Variants in RNF130 observed in about 807,000 individuals in gnomAD.
RNF130 encodes ring finger protein 130.
In RNF130, 21 loss-of-function variants were observed where a neutral mutation model predicts 44.6. That is an observed-to-expected ratio of 0.47 (90% CI 0.33 to 0.68). RNF130 has a LOEUF of 0.68. Ranked by LOEUF, RNF130 falls within the 30% of genes least tolerant of loss-of-function variation. The pLI, the probability that RNF130 is intolerant of heterozygous loss-of-function variation, is 0.02. For missense variants in RNF130, 479 were observed against 560.6 expected, an observed-to-expected ratio of 0.85 and a Z score of 1.47; for synonymous variants, 214 against 210.4, an observed-to-expected ratio of 1.02 and a Z score of -0.15.
intron 5 of RNF130, among the ~76,000 whole-genome samples, chr5:179,973,728 G>A (rs1762641144): frequency 6.6e-6 from 1 of 152,262 alleles, no homozygotes; most frequent in South Asian, 2.1e-4. Context: ...GGCAAGTAGG[G>A]CCTTGAAAAG....
At chr5:180,007,126 T>C (rs139895667) in intron 3 of RNF130, among the ~76,000 whole-genome samples, 2 of 152,214 alleles carry the variant, frequency 1.3e-5, no homozygotes, top group Non-Finnish European at 2.9e-5. Context: ...GGGGGCCAGG[T>C]GTGGAGGTTC....
intron 6 of RNF130, 99 bp from the exon 7 acceptor site, chr5:179,967,109 C>A: frequency 9.4e-7 from 1 of 1,060,580 alleles, no homozygotes; most frequent in South Asian, 1.5e-5. Context: ...GTTGCAAAGA[C>A]CTTACCAGGT....
At chr5:179,974,740 G>T (rs1395671309) in intron 5 of RNF130, among the ~76,000 whole-genome samples, 1 of 152,264 alleles carries the variant, frequency 6.6e-6, no homozygotes, top group Non-Finnish European at 1.5e-5. Context: ...ACTGGGAAAT[G>T]CGAGTGTCAC....
chr5:180,038,107 G>A (rs922005228), intron 2 of RNF130, among the ~76,000 whole-genome samples: 2 of 152,180 alleles, frequency 1.3e-5, no homozygotes, highest in African/African-American at 4.8e-5. Flanking sequence ...AGGACGCAGT[G>A]CAGTGGTGTG....
chr5:179,964,614 C>A (rs1247244487), intron 7 of RNF130, among the ~76,000 whole-genome samples: 1 of 152,240 alleles, frequency 6.6e-6, no homozygotes, highest in Non-Finnish European at 1.5e-5. Context: ...CTGGGTTCCA[C>A]AAATCCTAAC....
intron 1 of RNF130, among the ~76,000 whole-genome samples, chr5:180,052,309 T>C (rs1161227822): frequency 1.3e-5 from 2 of 152,218 alleles, no homozygotes; most frequent in African/African-American, 2.4e-5. Flanking sequence ...ATTAGCTTCC[T>C]CTCACATGTG....
At chr5:179,997,675 C>G (rs1287295502) in intron 3 of RNF130, among the ~76,000 whole-genome samples, 4 of 152,010 alleles carry the variant, frequency 2.6e-5, no homozygotes, top group African/African-American at 9.7e-5. Context: ...CCATGTTACC[C>G]AGGCTAGTCT....
intron 1 of RNF130, among the ~76,000 whole-genome samples, chr5:180,055,860 G>A (rs1764807340): frequency 1.3e-5 from 2 of 152,090 alleles, no homozygotes; most frequent in South Asian, 4.1e-4. Context: ...GAGGTGGGTG[G>A]ATCATCTGAG....
At chr5:179,932,285 T>A (rs1761820327) in intron 7 of RNF130, among the ~76,000 whole-genome samples, 1 of 152,030 alleles carries the variant, frequency 6.6e-6, no homozygotes, top group African/African-American at 2.4e-5. Flanking sequence ...TGAGAGGGAG[T>A]CTCGCCCTGT....
At chr5:179,981,882 A>C (rs946508635) in intron 3 of RNF130, among the ~76,000 whole-genome samples, 1 of 152,212 alleles carries the variant, frequency 6.6e-6, no homozygotes, top group African/African-American at 2.4e-5. Context: ...ATGGAGATAT[A>C]ATTGACTTAA....
At chr5:179,932,138 T>A (rs2113676711) in intron 7 of RNF130, among the ~76,000 whole-genome samples, 1 of 152,322 alleles carries the variant, frequency 6.6e-6, no homozygotes, top group East Asian at 1.9e-4. Flanking sequence ...AAATTTAAAG[T>A]TACCTGTTAT....
chr5:179,965,407 CA>C (rs1377869116), intron 7 of RNF130, among the ~76,000 whole-genome samples: 1 of 152,160 alleles, frequency 6.6e-6, no homozygotes, highest in Non-Finnish European at 1.5e-5. Context: ...ACATCATGTG[CA>C]AATTCTGCTA....
intron 1 of RNF130, among the ~76,000 whole-genome samples, chr5:180,047,471 G>A (rs956176781): frequency 9.9e-5 from 15 of 152,094 alleles, no homozygotes; most frequent in South Asian, 2.1e-4. Flanking sequence ...CTGGCCCGGC[G>A]TGGTGGTTCA....
At chr5:180,056,525 C>T (rs1764828329) in intron 1 of RNF130, among the ~76,000 whole-genome samples, 1 of 152,028 alleles carries the variant, frequency 6.6e-6, no homozygotes, top group Admixed American at 6.5e-5. Context: ...CAGTTTCTGG[C>T]AAAACACACT....
rs529682371 is a variant in RNF130 at position 180,028,762 on chromosome 5, C to T, written c.442+11691G>A. Among the ~76,000 whole-genome samples, 9 of 152,234 alleles carry T rather than the reference C, an allele frequency of 5.9e-5. No individual in the cohort carries two copies. The South Asian group carries it at 1.2e-3, about 21-fold the overall frequency. On this transcript the variant is annotated intron_variant, in intron 2 of 8. Transcript: ENST00000521389. ...TGCCTGGCATATAGCAGGTATAAAT[C>T]GATACCTGTTGATTAACTATTTTTT... is the stretch of plus-strand genomic sequence containing the variant.
chr5:180,059,610 T>C (rs1764922735), intron 1 of RNF130, among the ~76,000 whole-genome samples: 1 of 152,148 alleles, frequency 6.6e-6, no homozygotes, highest in Non-Finnish European at 1.5e-5. Context: ...ATCACTGACC[T>C]TTAAGGAGTC....
chr5:180,010,864 T>C (rs1163512695), intron 3 of RNF130, among the ~76,000 whole-genome samples: 1 of 152,102 alleles, frequency 6.6e-6, no homozygotes, highest in African/African-American at 2.4e-5. Context: ...CTACACAGAC[T>C]AAAGACAGAC....
chr5:180,042,132 G>T (rs988622452), intron 1 of RNF130, among the ~76,000 whole-genome samples: 5 of 152,288 alleles, frequency 3.3e-5, no homozygotes, highest in South Asian at 2.1e-4. Context: ...ACACCTGGAA[G>T]CACATGCCTA....
chr5:180,045,227 G>A (rs1764529800), intron 1 of RNF130, among the ~76,000 whole-genome samples: 1 of 152,200 alleles, frequency 6.6e-6, no homozygotes, highest in South Asian at 2.1e-4. Context: ...AATATTTAAA[G>A]GGCTGTAGGA....
Sources: gnomAD v4.1 joint callset for allele counts (sites outside exome capture counted in the v4.1 genomes callset) on GRCh38, gnomAD v4.1.1 for gene constraint, MANE v1.5 for transcripts, NCBI Gene and HGNC (gene_info 2026-07-23, HGNC 2026-07-21) for gene names.